SMARCA5: variants seen among roughly 807,000 people sequenced by gnomAD.
SMARCA5 encodes the protein SWI/SNF-related matrix-associated actin-dependent regulator of chromatin subfamily A member 5.
In SMARCA5, 18 loss-of-function variants were observed where a neutral mutation model predicts 140.4. The ratio of observed to expected loss-of-function variants is 0.13; its 90% CI spans 0.09 to 0.19. The LOEUF (loss-of-function observed/expected upper bound fraction) is 0.19, where lower values mean the gene tolerates loss of function less well. Ranked by LOEUF, SMARCA5 falls within the 10% of genes least tolerant of loss-of-function variation. The pLI is 1.00. For missense variants in SMARCA5, 606 were observed against 1,276.8 expected (o/e 0.47, Z 8.01); for synonymous variants, 449 against 419.6 (o/e 1.07, Z -0.86).
At position 143,543,265 on chromosome 4, in the gene SMARCA5, C is replaced by T. The variant is rs1737465837; in HGVS notation, c.1904-244C>T. Among the ~76,000 whole-genome samples the T allele has an allele frequency of 2.0e-5, 3 of 152,038 alleles. No homozygotes were observed. In the South Asian group the frequency reaches 6.2e-4, roughly 32 times the overall value. ...CACAAAAGATTATATTTCGTTGGCA[C>T]AGTATACAGCAGGTTTCATTATATA... On this transcript the variant is annotated intron_variant, in intron 14 of 23. Transcript: ENST00000283131.
intron 19 of SMARCA5, 39 bp from the exon 20 acceptor site, chr4:143,546,737 T>C: frequency 6.3e-7 from 1 of 1,575,976 alleles, no homozygotes; most frequent in Non-Finnish European, 8.6e-7. Flanking sequence ...CCAAGTTTAA[T>C]GTGCTGTGAT....
intron 17 of SMARCA5, 50 bp downstream of exon 17, chr4:143,544,897 A>G (rs7692376): frequency 0.55 from 516,428 of 934,466 alleles, 144,598 homozygotes; most frequent in Middle Eastern, 0.58. Context: ...TGAAAATGTA[A>G]TTTTTTTCAT....
At chr4:143,524,090 C>CT (rs1342272976) in intron 3 of SMARCA5, among the ~76,000 whole-genome samples, 1 of 152,048 alleles carries the variant, frequency 6.6e-6, no homozygotes, top group African/African-American at 2.4e-5. Flanking sequence ...GATTTTCTGA[C>CT]TACATAGTTC....
rs575549506 is a variant in SMARCA5 at position 143,520,478 on chromosome 4, T to C, written c.253-951T>C. The stretch of plus-strand genomic sequence containing the variant: ...AACCATGTGCCTTCCTAATAGCAAA[T>C]TGGGCTTCAGTTTTTACATTGGTGT... On this transcript the variant is annotated intron_variant, in intron 2 of 23. Coordinates refer to ENST00000283131, the MANE Select transcript of SMARCA5 (RefSeq NM_003601.4). 3.0e-4 allele frequency among the ~76,000 whole-genome samples: 45 copies of C among 152,330 alleles called. No homozygotes were observed. The South Asian group carries it at 6.4e-3, about 22-fold the overall frequency.
intron 16 of SMARCA5, among the ~76,000 whole-genome samples, 193 bp from the exon 17 acceptor site, chr4:143,544,544 A>T (rs1737485442): frequency 6.6e-6 from 1 of 152,182 alleles, no homozygotes; most frequent in African/African-American, 2.4e-5. Context: ...CTGAATGCTT[A>T]CTCTGTTGAC....
At chr4:143,537,898 T>C (rs368704942) in intron 11 of SMARCA5, among the ~76,000 whole-genome samples, 2 of 137,714 alleles carry the variant, frequency 1.5e-5, no homozygotes, top group African/African-American at 5.6e-5. Context: ...AGCCTGGGTG[T>C]CAGAGCAAGA....
In SMARCA5 at chr4:143,554,061, C is replaced by G. The variant is rs1363050241; in HGVS notation, c.*877C>G. 2 of 151,288 alleles carry G rather than the reference C, an allele frequency of 1.3e-5. No individual in the cohort carries two copies. Among genetic ancestry groups the G allele is most frequent in the African/African-American group, 4.9e-5 (2 of 41,124 alleles). 9.4% of individuals were successfully genotyped at this position (151,288 alleles called of 1,614,324 possible). The stretch of plus-strand genomic sequence containing the variant: ...ATTGAAATTGGTAACAAAATATATC[C>G]CCTCCCATTTGGACTTTTAGGGTAA... On this transcript the variant is annotated 3_prime_UTR_variant, in exon 24 of 24. Transcript: ENST00000283131.
At chr4:143,526,069 C>T (rs1737066586) in intron 5 of SMARCA5, among the ~76,000 whole-genome samples, 1 of 152,126 alleles carries the variant, frequency 6.6e-6, no homozygotes, top group Non-Finnish European at 1.5e-5. Flanking sequence ...TAAACGGGGC[C>T]TTATGCGGGT....
intron 9 of SMARCA5, among the ~76,000 whole-genome samples, chr4:143,534,401 T>C (rs1298500078): frequency 3.3e-5 from 5 of 152,164 alleles, no homozygotes; most frequent in African/African-American, 4.8e-5. Context: ...CAATCAACTA[T>C]GGATTGGAAA....
intron 2 of SMARCA5, among the ~76,000 whole-genome samples, chr4:143,520,930 C>T (rs981582042): frequency 2.0e-5 from 3 of 152,170 alleles, no homozygotes; most frequent in Non-Finnish European, 4.4e-5. Context: ...CACAGCCTAA[C>T]TAATGAATGA....
In SMARCA5 at chr4:143,556,478, C is replaced by T. The variant is rs1012865986; in HGVS notation, c.*3294C>T. ...TCAAACCAGTAGTTTTGGAGTAGAA[C>T]ATTGCTAAAAAAATGGGTACTAAGG... is the stretch of plus-strand genomic sequence containing the variant. On this transcript the variant is annotated 3_prime_UTR_variant, in exon 24 of 24. Transcript: ENST00000283131. 2.0e-5 allele frequency: 3 copies of T among 152,012 alleles called. No individual in the cohort carries two copies. Among genetic ancestry groups the T allele is most frequent in the African/African-American group, 7.2e-5 (3 of 41,380 alleles). 9.4% of individuals were successfully genotyped at this position (152,012 alleles called of 1,614,324 possible). A position where few individuals can be genotyped will look rare whatever the true frequency, so the allele number is the denominator to read the frequency against.
intron 1 of SMARCA5, among the ~76,000 whole-genome samples, chr4:143,515,748 G>T (rs1443143434): frequency 1.3e-5 from 2 of 152,020 alleles, no homozygotes; most frequent in African/African-American, 4.8e-5. Context: ...TGCCAGATGG[G>T]GAAATTGAGT....
intron 4 of SMARCA5, 36 bp downstream of exon 4, chr4:143,524,503 C>A: frequency 7.3e-7 from 1 of 1,370,508 alleles, no homozygotes; most frequent in Non-Finnish European, 1.0e-6. Context: ...TAAAAAATTG[C>A]CCTTTGAGAT....
In SMARCA5 at chr4:143,553,744, T is replaced by C. The variant is rs1488964649; in HGVS notation, c.*560T>C. The C allele has an allele frequency of 1.3e-5, 2 of 152,226 alleles. No homozygotes were observed. The highest frequency in any genetic ancestry group is 2.9e-5 in the Non-Finnish European group (2 of 68,040). The allele number at this position is 152,226 out of a possible 1,614,324, so 9.4% of individuals were successfully genotyped here. ...TTAAATTCTATGCATATTTCTGTTATGCTTTCTGTTTTTTTTAGTTGATTC... is the reference window on the plus strand; with the variant it reads ...TTAAATTCTATGCATATTTCTGTTACGCTTTCTGTTTTTTTTAGTTGATTC... On this transcript the variant is annotated 3_prime_UTR_variant, in exon 24 of 24. Coordinates refer to ENST00000283131, the MANE Select transcript of SMARCA5 (RefSeq NM_003601.4).
chr4:143,526,339 A>G lies in SMARCA5; in HGVS notation c.680A>G (p.Asn227Ser). ...CTTGGGTACATGAAACATTATAGAA[A>G]CATTCCTGGGCCTCATATGGTTTTG... is the stretch of plus-strand genomic sequence containing the variant. ...SLLGYMKHYRNIPGPHMVLVP... is the reference protein window; with the variant it reads ...SLLGYMKHYRSIPGPHMVLVP... The change falls in exon 6 of 24, where the codon AAC becomes AGC. Residue 227 changes from asparagine (N) to serine (S), a missense_variant. This residue lies in a region of SMARCA5 where 110 missense variants were observed against 287.7 expected (regional missense o/e 0.38). Transcript: ENST00000283131. The G allele has an allele frequency of 6.2e-7, 1 of 1,613,998 alleles. No homozygotes were observed.
Position 143,554,428 on chromosome 4 carries a change from C to G in SMARCA5, c.*1244C>G, listed in dbSNP as rs1212823396. On this transcript the variant is annotated 3_prime_UTR_variant, in exon 24 of 24. Transcript: ENST00000283131. The stretch of plus-strand genomic sequence containing the variant: ...TTTCTCAATTTTTATTCACTTTTTC[C>G]TTTAGGACACATTTCCCTTAATTGG... 2 of 151,192 alleles carry G rather than the reference C, an allele frequency of 1.3e-5. No individual in the cohort carries two copies. The highest frequency in any genetic ancestry group is 3.0e-5 in the Non-Finnish European group (2 of 67,768). 9.4% of individuals were successfully genotyped at this position (151,192 alleles called of 1,614,324 possible).
intron 3 of SMARCA5, among the ~76,000 whole-genome samples, chr4:143,523,599 A>G (rs1322141992): frequency 2.0e-5 from 3 of 152,212 alleles, no homozygotes; most frequent in Admixed American, 6.5e-5. Flanking sequence ...TTAGAAGCAT[A>G]TATAACAAAC....
At chr4:143,541,644 A>G (rs1049278621) in intron 14 of SMARCA5, among the ~76,000 whole-genome samples, 3 of 152,180 alleles carry the variant, frequency 2.0e-5, no homozygotes, top group Non-Finnish European at 4.4e-5. Context: ...TTCATTGTAC[A>G]TACAGCTGGG....
intron 14 of SMARCA5, among the ~76,000 whole-genome samples, chr4:143,542,907 A>T (rs536658513): frequency 1.4e-3 from 220 of 152,282 alleles, no homozygotes; most frequent in Non-Finnish European, 2.1e-3. Flanking sequence ...TTGAGCAGGG[A>T]GTTGAAGGCT....
Sources: allele counts gnomAD v4.1 joint callset (sites outside exome capture counted in the v4.1 genomes callset), GRCh38; gene constraint gnomAD v4.1.1; regional missense constraint gnomAD v4.1.1; transcripts MANE v1.5; gene names NCBI Gene and HGNC (gene_info 2026-07-23, HGNC 2026-07-21).